Variants in GPRC5A observed in about 807,000 individuals in gnomAD.
The protein encoded by GPRC5A is retinoic acid-induced protein 3.
In GPRC5A, 19 loss-of-function variants were observed where a neutral mutation model predicts 22.5. That is an observed-to-expected ratio of 0.85 (90% CI 0.59 to 1.24). The LOEUF is 1.24. Among genes scored for constraint, GPRC5A ranks in the 50% most tolerant of loss-of-function variants. The pLI, the probability that GPRC5A is intolerant of heterozygous loss-of-function variation, is 0.00. For synonymous variants in GPRC5A, 192 were observed against 184.5 expected, an observed-to-expected ratio of 1.04 and a Z score of -0.33; for missense variants, 471 against 451.1, an observed-to-expected ratio of 1.04 and a Z score of -0.40.
chr12:12,897,432 A>G (rs11055137), intron 1 of GPRC5A, among the ~76,000 whole-genome samples: 55,966 of 151,464 alleles, frequency 0.37, 11,402 homozygotes, highest in African/African-American at 0.54. Context: ...ATGAACCCAA[A>G]TTCCCTTCCA....
chr12:12,917,249 T>TGTGTGTGTGTGC lies in GPRC5A; in HGVS notation c.*4713_*4714insTGTGTGTGCGTG, dbSNP rs1209334705. ...GTGTGTGTGTGTGTGTGTGTGTGTG[T>TGTGTGTGTGTGC]GTGCGTGCGTGCGTGTATGTGCGCC... On this transcript the variant is annotated 3_prime_UTR_variant, in exon 4 of 4. Transcript: ENST00000014914. 6 of 57,638 alleles carry TGTGTGTGTGTGC rather than the reference T, an allele frequency of 1.0e-4. No individual in the cohort carries two copies. The highest frequency in any genetic ancestry group is 2.0e-4 in the African/African-American group (3 of 15,346). 3.6% of individuals were successfully genotyped at this position (57,638 alleles called of 1,614,324 possible). A position where few individuals can be genotyped will look rare whatever the true frequency, so the allele number is the denominator to read the frequency against.
At chr12:12,894,610 T>C (rs992924184) in intron 1 of GPRC5A, among the ~76,000 whole-genome samples, 71 of 151,920 alleles carry the variant, frequency 4.7e-4, no homozygotes, top group African/African-American at 1.6e-3. Flanking sequence ...GGTTTTGCCA[T>C]GTAGCCTAGG....
chr12:12,893,225 C>T (rs1379268449), intron 1 of GPRC5A, among the ~76,000 whole-genome samples: 1 of 152,232 alleles, frequency 6.6e-6, no homozygotes, highest in Admixed American at 6.5e-5. Context: ...GTTTCCCCTC[C>T]TGTGTTTCGA....
chr12:12,908,482 T>C lies in GPRC5A; in HGVS notation c.233T>C (p.Ile78Thr). 1.2e-6 allele frequency: 2 copies of C among 1,614,132 alleles called. No homozygotes were observed. Among genetic ancestry groups the C allele is most frequent in the Non-Finnish European group, 1.7e-6 (2 of 1,180,020 alleles). Reference protein sequence around the residue: ...QFLFLLGVLGIFGLTFAFIIG... With the variant: ...QFLFLLGVLGTFGLTFAFIIG... ...CTCTTCCTCCTGGGTGTGTTGGGCA[T>C]CTTTGGCCTCACCTTCGCCTTCATC... Residue 78 changes from isoleucine (I) to threonine (T), a missense_variant, in exon 2 of 4, where the codon ATC becomes ACC. Coordinates refer to ENST00000014914, the MANE Select transcript of GPRC5A (RefSeq NM_003979.4).
intron 1 of GPRC5A, among the ~76,000 whole-genome samples, chr12:12,903,982 AC>A (rs1297754327): frequency 1.3e-5 from 2 of 152,342 alleles, no homozygotes; most frequent in African/African-American, 4.8e-5. Flanking sequence ...AAACAGTAAT[AC>A]CTGATGGGTG....
rs1864078338 is a variant in GPRC5A, at chr12:12,917,500, A to AC, written c.*4962dup. ...TCAGCACCTGTGTGGTCAATTCTGG[A>AC]CACTTCCCAGAGAAGTCTTTGAGTA... On this transcript the variant is annotated 3_prime_UTR_variant, in exon 4 of 4. Transcript: ENST00000014914. 2.0e-5 allele frequency: 3 copies of AC among 151,844 alleles called. No homozygotes were observed. Among genetic ancestry groups the AC allele is most frequent in the Admixed American group, 2.0e-4 (3 of 15,190 alleles). 9.4% of individuals were successfully genotyped at this position (151,844 alleles called of 1,614,324 possible).
At chr12:12,904,016 G>C (rs1863915355) in intron 1 of GPRC5A, among the ~76,000 whole-genome samples, 1 of 152,228 alleles carries the variant, frequency 6.6e-6, no homozygotes, top group Admixed American at 6.5e-5. Context: ...TTGGCAGAGA[G>C]GGGCAGGGAG....
intron 1 of GPRC5A, among the ~76,000 whole-genome samples, chr12:12,904,912 ATCTC>A (rs1863926071): frequency 1.4e-5 from 2 of 139,360 alleles, no homozygotes; most frequent in African/African-American, 5.5e-5. Context: ...TTGAGATGGA[ATCTC>A]TCTCTGTCAC....
intron 2 of GPRC5A, among the ~76,000 whole-genome samples, chr12:12,910,361 C>T (rs1763648145): frequency 6.6e-6 from 1 of 152,138 alleles, no homozygotes; most frequent in South Asian, 2.1e-4. Context: ...TTCACTCCAT[C>T]ACCTCACTCC....
In GPRC5A at chr12:12,912,530, G is replaced by A. The variant is rs781073106; in HGVS notation, c.1065G>A (p.Glu355=). The A allele has an allele frequency of 1.9e-6, 3 of 1,595,486 alleles. No homozygotes were observed. Among genetic ancestry groups the A allele is most frequent in the Non-Finnish European group, 2.6e-6 (3 of 1,162,950 alleles). Residue 355 remains glutamate, a synonymous_variant, in exon 4 of 4, where the codon GAG becomes GAA. Coordinates refer to ENST00000014914, the MANE Select transcript of GPRC5A (RefSeq NM_003979.4). The stretch of plus-strand genomic sequence containing the variant: ...ACAAAGACTATGAAGTAAAGAAAGA[G>A]GGCAGCTAACTCTGTCCTGAAGAGT... ...SPYKDYEVKK[E]GS
At chr12:12,892,492 C>T (rs1863772318) in intron 1 of GPRC5A, among the ~76,000 whole-genome samples, 1 of 152,100 alleles carries the variant, frequency 6.6e-6, no homozygotes, top group Non-Finnish European at 1.5e-5. Flanking sequence ...CTCAGACTCC[C>T]GAGTAGCTGG....
At chr12:12,907,260 G>T (rs1450146809) in intron 1 of GPRC5A, among the ~76,000 whole-genome samples, 1 of 151,642 alleles carries the variant, frequency 6.6e-6, no homozygotes, top group Non-Finnish European at 1.5e-5. Context: ...AATTAGCCGG[G>T]CATGGTGGCA....
intron 1 of GPRC5A, among the ~76,000 whole-genome samples, chr12:12,899,501 T>C (rs943998937): frequency 8.5e-5 from 13 of 152,224 alleles, no homozygotes; most frequent in African/African-American, 2.9e-4. Context: ...TATAAAGAGC[T>C]ATTCTTTCTG....
intron 1 of GPRC5A, among the ~76,000 whole-genome samples, chr12:12,907,053 TA>T (rs1172274805): frequency 1.1e-3 from 132 of 125,104 alleles, no homozygotes; most frequent in East Asian, 1.4e-3. Flanking sequence ...AAACTCCGTC[TA>T]AAAAAAAAAA....
chr12:12,894,025 G>C (rs189404511), intron 1 of GPRC5A, among the ~76,000 whole-genome samples: 2 of 152,208 alleles, frequency 1.3e-5, no homozygotes, highest in African/African-American at 4.8e-5. Context: ...GCCTCCCAAA[G>C]TGCTGGGATC....
chr12:12,897,698 T>C (rs1009122737), intron 1 of GPRC5A, among the ~76,000 whole-genome samples: 1 of 150,450 alleles, frequency 6.6e-6, no homozygotes, highest in African/African-American at 2.4e-5. Context: ...AGCCTCTGCC[T>C]CCTGGGTTCA....
At chr12:12,900,891 CAA>C (rs756416857) in intron 1 of GPRC5A, among the ~76,000 whole-genome samples, 26 of 21,662 alleles carry the variant, frequency 1.2e-3, no homozygotes, top group African/African-American at 2.5e-3. Context: ...AACTCCGTCT[CAA>C]AAAAAAAAAA....
At chr12:12,906,677 T>C (rs1041753868) in intron 1 of GPRC5A, among the ~76,000 whole-genome samples, 1 of 152,198 alleles carries the variant, frequency 6.6e-6, no homozygotes, top group African/African-American at 2.4e-5. Flanking sequence ...ACGTTCCTCT[T>C]TACAGGTAGC....
chr12:12,898,110 A>T (rs1056869937), intron 1 of GPRC5A, among the ~76,000 whole-genome samples: 1 of 152,206 alleles, frequency 6.6e-6, no homozygotes. Flanking sequence ...GAGACAGCAC[A>T]ACCCAGTGTC....
Sources: allele counts gnomAD v4.1 joint callset (sites outside exome capture counted in the v4.1 genomes callset), GRCh38; gene constraint gnomAD v4.1.1; transcripts MANE v1.5; gene names NCBI Gene and HGNC (gene_info 2026-07-23, HGNC 2026-07-21).